LIPA: variants seen among roughly 807,000 people sequenced by gnomAD.
LIPA encodes lysosomal acid lipase/cholesteryl ester hydrolase.
A neutral mutation model predicts 40.6 loss-of-function variants in LIPA; 26 were observed. The ratio of observed to expected loss-of-function variants is 0.64; its 90% CI spans 0.47 to 0.89. The LOEUF is 0.89. LIPA is among the 40% of genes least tolerant of loss of function. LIPA has a pLI of 0.00. For synonymous variants in LIPA, 188 were observed against 168.4 expected, an observed-to-expected ratio of 1.12 and a Z score of -0.90; for missense variants, 455 against 479.6, an observed-to-expected ratio of 0.95 and a Z score of 0.48.
chr10:89,354,571 G>C (rs1843979532), intron 2 of LIPA, among the ~76,000 whole-genome samples: 1 of 152,124 alleles, frequency 6.6e-6, no homozygotes, highest in Non-Finnish European at 1.5e-5. Flanking sequence ...TTTTGTTCTT[G>C]TTTTTGTTTT....
intron 2 of LIPA, among the ~76,000 whole-genome samples, chr10:89,380,918 A>G (rs1020660486): frequency 1.1e-4 from 17 of 152,326 alleles, no homozygotes; most frequent in African/African-American, 4.1e-4. Context: ...ACAACCACCT[A>G]TAAGAAAGAG....
chr10:89,292,367 A>C (rs947419985), intron 1 of LIPA: 21 of 152,244 alleles, frequency 1.4e-4, no homozygotes, highest in African/African-American at 4.8e-4. Context: ...TGGCCAACAA[A>C]GCGAATAAAA....
At chr10:89,216,625 C>T (rs1178978660) in intron 8 of LIPA, among the ~76,000 whole-genome samples, 2 of 151,900 alleles carry the variant, frequency 1.3e-5, no homozygotes, top group African/African-American at 4.8e-5. Flanking sequence ...ACTTACATAG[C>T]GTTTACATTG....
chr10:89,269,526 G>T (rs1235311646), intron 1 of LIPA, among the ~76,000 whole-genome samples: 7 of 151,354 alleles, frequency 4.6e-5, no homozygotes, highest in Non-Finnish European at 8.8e-5. Context: ...CAACATATTC[G>T]ACAAATAAAA....
chr10:89,390,760 T>C (rs1457173145), intron 2 of LIPA, among the ~76,000 whole-genome samples: 2 of 152,250 alleles, frequency 1.3e-5, no homozygotes, highest in Non-Finnish European at 2.9e-5. Context: ...CCAAGACTGC[T>C]GCCAAATTCA....
intron 2 of LIPA, among the ~76,000 whole-genome samples, chr10:89,379,186 G>A (rs1388104984): frequency 6.6e-6 from 1 of 152,162 alleles, no homozygotes; most frequent in East Asian, 1.9e-4. Flanking sequence ...CTATGAAATT[G>A]TGATTACTAT....
At chr10:89,346,735 A>C (rs181915160), upstream of LIPA, among the ~76,000 whole-genome samples, 1 of 152,338 alleles carries the variant, frequency 6.6e-6, no homozygotes, top group African/African-American at 2.4e-5. Context: ...CAGCAACAAA[A>C]TCCTGAACCA....
intron 1 of LIPA, among the ~76,000 whole-genome samples, chr10:89,317,941 C>A (rs1383179613): frequency 1.3e-5 from 2 of 152,112 alleles, no homozygotes; most frequent in Non-Finnish European, 2.9e-5. Context: ...GAATTTTCAA[C>A]CCAGAATTTC....
At chr10:89,237,571 T>G (rs7078593) in intron 3 of LIPA, among the ~76,000 whole-genome samples, 26 of 152,170 alleles carry the variant, frequency 1.7e-4, no homozygotes, top group African/African-American at 6.0e-4. Context: ...GCAAATGCAG[T>G]AGGGTTGATG....
chr10:89,366,871 C>T (rs1243482677), intron 2 of LIPA, among the ~76,000 whole-genome samples: 2 of 152,300 alleles, frequency 1.3e-5, no homozygotes, highest in East Asian at 1.9e-4. Flanking sequence ...AAGACACATG[C>T]ACACGTATGT....
intron 1 of LIPA, among the ~76,000 whole-genome samples, chr10:89,304,882 A>G (rs1321729740): frequency 6.6e-6 from 1 of 152,128 alleles, no homozygotes; most frequent in Non-Finnish European, 1.5e-5. Flanking sequence ...CCCTAAAGAA[A>G]AAAGAGCTCT....
intron 2 of LIPA, among the ~76,000 whole-genome samples, chr10:89,400,843 G>A (rs1001597773): frequency 1.3e-5 from 2 of 152,122 alleles, no homozygotes; most frequent in African/African-American, 2.4e-5. Flanking sequence ...ATTCCTGATC[G>A]TGGAGGAAAA....
chr10:89,228,824 G>A (rs757752141), intron 3 of LIPA, among the ~76,000 whole-genome samples: 2 of 152,202 alleles, frequency 1.3e-5, no homozygotes, highest in Non-Finnish European at 2.9e-5. Flanking sequence ...ACACGTATCA[G>A]AATGAGCAAC....
intron 2 of LIPA, among the ~76,000 whole-genome samples, chr10:89,360,508 C>A (rs1016071930): frequency 1.3e-5 from 2 of 152,196 alleles, no homozygotes; most frequent in Non-Finnish European, 2.9e-5. Context: ...TTTACACAAG[C>A]ACCATAGAGA....
At chr10:89,372,762 G>A (rs1844098631) in intron 2 of LIPA, among the ~76,000 whole-genome samples, 1 of 152,204 alleles carries the variant, frequency 6.6e-6, no homozygotes, top group African/African-American at 2.4e-5. Flanking sequence ...TCAGCTCAAT[G>A]TATAATCCTA....
chr10:89,224,672 A>G (rs972524223), intron 6 of LIPA, among the ~76,000 whole-genome samples: 3 of 152,240 alleles, frequency 2.0e-5, no homozygotes, highest in African/African-American at 7.2e-5. Flanking sequence ...ATAAAATACA[A>G]TAATGATAGC....
At chr10:89,338,960 G>A in intron 1 of LIPA, 1 of 1,614,144 alleles carries the variant, frequency 6.2e-7, no homozygotes, top group Non-Finnish European at 8.5e-7. Context: ...AACTACGCCT[G>A]GGTCTACTAT....
chr10:89,244,674 AGTCT>A (rs1843002672), intron 3 of LIPA, among the ~76,000 whole-genome samples: 1 of 152,204 alleles, frequency 6.6e-6, no homozygotes, highest in South Asian at 2.1e-4. Context: ...AATTTCAATC[AGTCT>A]GTCTAGAAAT....
intron 2 of LIPA, among the ~76,000 whole-genome samples, chr10:89,388,794 TAAA>T (rs140698869): frequency 2.9e-5 from 4 of 140,250 alleles, no homozygotes; most frequent in Non-Finnish European, 4.7e-5. Context: ...GCCTGAAATG[TAAA>T]AAAAAAAAAA....
Sources: gnomAD v4.1 joint callset for allele counts (sites outside exome capture counted in the v4.1 genomes callset) on GRCh38, gnomAD v4.1.1 for gene constraint, MANE v1.5 for transcripts, NCBI Gene and HGNC (gene_info 2026-07-23, HGNC 2026-07-21) for gene names.